The following AFF3 variants were observed in gnomAD, a reference collection of about 807,000 sequenced individuals.
AFF3 encodes AF4/FMR2 family member 3.
AFF3 carries 32 observed loss-of-function variants against 129.7 expected under a neutral mutation model. That is an observed-to-expected ratio of 0.25 (90% CI 0.19 to 0.33). The LOEUF (loss-of-function observed/expected upper bound fraction) is 0.33. AFF3 is among the 10% of genes least tolerant of loss of function. AFF3 has a pLI of 1.00. For missense variants in AFF3, 1,373 were observed against 1,592.0 expected (o/e 0.86, Z 2.34); for synonymous variants, 644 against 635.4 (o/e 1.01, Z -0.20).
At chr2:99,836,653 T>TA (rs1246603651) in intron 8 of AFF3, among the ~76,000 whole-genome samples, 2 of 150,808 alleles carry the variant, frequency 1.3e-5, no homozygotes, top group African/African-American at 4.9e-5. Context: ...CACTAGCAAT[T>TA]AAAAAAAAGT....
Position 99,993,491 on chromosome 2 carries a change from C to T in AFF3, c.873+13141G>A, listed in dbSNP as rs950879154. ...AAGTTTAAAAATAAAATTATATAAC[C>T]ACATGCTGGAACTAATTTTAAAAAT... On this transcript the variant is annotated intron_variant, in intron 7 of 24. Coordinates refer to ENST00000672756, the MANE Select transcript of AFF3 (RefSeq NM_001386135.1). Among the ~76,000 whole-genome samples, 2 of 151,566 alleles carry T rather than the reference C, an allele frequency of 1.3e-5. 1 individual carries two copies. The highest frequency in any genetic ancestry group is 4.2e-4 in the South Asian group (2 of 4,800).
intron 8 of AFF3, among the ~76,000 whole-genome samples, chr2:99,757,782 C>T (rs1682244990): frequency 6.6e-6 from 1 of 152,206 alleles, no homozygotes; most frequent in South Asian, 2.1e-4. Flanking sequence ...CTATTGTTTG[C>T]TGGGTTGTTT....
intron 7 of AFF3, among the ~76,000 whole-genome samples, chr2:99,957,196 C>CGTGTGTGTGTGTGTGT (rs1553488569): frequency 1.4e-5 from 2 of 147,686 alleles, no homozygotes; most frequent in African/African-American, 5.3e-5. Context: ...TGTGTGTGTG[C>CGTGTGTGTGTGTGTGT]GCGCGCGCGC....
At chr2:99,661,355 T>C (rs1366660670) in intron 12 of AFF3, among the ~76,000 whole-genome samples, 2 of 152,252 alleles carry the variant, frequency 1.3e-5, no homozygotes, top group Non-Finnish European at 2.9e-5. Context: ...TACCCACCAT[T>C]AACAAAAACT....
chr2:99,979,952 A>T (rs1440042830), intron 7 of AFF3, among the ~76,000 whole-genome samples: 1 of 152,192 alleles, frequency 6.6e-6, no homozygotes, highest in Non-Finnish European at 1.5e-5. Flanking sequence ...GGCTCTGAGA[A>T]TCTTACTGCC....
At chr2:100,053,336 T>C (rs1686506329) in intron 4 of AFF3, among the ~76,000 whole-genome samples, 1 of 152,216 alleles carries the variant, frequency 6.6e-6, no homozygotes, top group Admixed American at 6.5e-5. Flanking sequence ...TATTCTTGGT[T>C]CCTAAAATGA....
intron 7 of AFF3, among the ~76,000 whole-genome samples, chr2:99,962,571 A>G (rs1325641181): frequency 6.6e-6 from 1 of 152,158 alleles, no homozygotes; most frequent in Non-Finnish European, 1.5e-5. Context: ...AGTTAGAAAA[A>G]TGAACAATAT....
intron 7 of AFF3, among the ~76,000 whole-genome samples, chr2:99,899,232 C>G (rs1382586617): frequency 2.0e-5 from 3 of 152,188 alleles, no homozygotes; most frequent in African/African-American, 7.2e-5. Context: ...GTTCTTCCAA[C>G]TCTCCTAATC....
chr2:99,670,526 T>C (rs1201358680), intron 12 of AFF3, among the ~76,000 whole-genome samples: 1 of 106,858 alleles, frequency 9.4e-6, no homozygotes, highest in East Asian at 2.9e-4. Context: ...AGGGAATGAG[T>C]GTATGTGTCT....
intron 8 of AFF3, among the ~76,000 whole-genome samples, chr2:99,775,265 T>C (rs527398957): frequency 7.9e-5 from 12 of 152,048 alleles, no homozygotes; most frequent in African/African-American, 2.6e-4. Flanking sequence ...AATTGTTCTA[T>C]TGTAGTGCTA....
intron 7 of AFF3, among the ~76,000 whole-genome samples, chr2:99,998,913 A>G (rs1360375849): frequency 6.6e-6 from 1 of 152,200 alleles, no homozygotes; most frequent in Non-Finnish European, 1.5e-5. Flanking sequence ...TTCGTACATT[A>G]AAACCTAGTT....
intron 11 of AFF3, among the ~76,000 whole-genome samples, chr2:99,678,653 T>C (rs1018568706): frequency 6.6e-6 from 1 of 152,234 alleles, no homozygotes; most frequent in Non-Finnish European, 1.5e-5. Flanking sequence ...TTTCTATAGC[T>C]GGTGCTGCTA....
At chr2:99,594,416 A>T in intron 14 of AFF3, 127 bp from the exon 15 acceptor site, 1 of 1,377,824 alleles carries the variant, frequency 7.3e-7, no homozygotes, top group Non-Finnish European at 9.8e-7. Flanking sequence ...GGCTGGAAGC[A>T]AAAGGAAAAT....
intron 13 of AFF3, among the ~76,000 whole-genome samples, chr2:99,641,416 G>A (rs924939741): frequency 6.6e-6 from 1 of 152,138 alleles, no homozygotes; most frequent in African/African-American, 2.4e-5. Context: ...GGTGGCTCAC[G>A]CCTGTAATTT....
chr2:99,719,663 G>A (rs10167458), intron 11 of AFF3, among the ~76,000 whole-genome samples: 2,864 of 152,256 alleles, frequency 0.019, 82 homozygotes, highest in African/African-American at 0.064. Flanking sequence ...CTATGTGGTA[G>A]CATTAATATG....
At chr2:99,573,846 T>A (rs1475922798) in intron 18 of AFF3, among the ~76,000 whole-genome samples, 2 of 152,138 alleles carry the variant, frequency 1.3e-5, no homozygotes, top group Non-Finnish European at 2.9e-5. Flanking sequence ...CCATGTGACA[T>A]ACAGGCAGCA....
At chr2:99,616,202 C>T (rs887465533) in intron 13 of AFF3, among the ~76,000 whole-genome samples, 1 of 152,166 alleles carries the variant, frequency 6.6e-6, no homozygotes, top group African/African-American at 2.4e-5. Flanking sequence ...CACCCATGCA[C>T]TTATTTGTAA....
At chr2:99,598,290 C>T (rs1330085740) in intron 14 of AFF3, among the ~76,000 whole-genome samples, 4 of 152,082 alleles carry the variant, frequency 2.6e-5, no homozygotes, top group Non-Finnish European at 4.4e-5. Flanking sequence ...GAGTGAGTTC[C>T]GTGTGTGGGG....
intron 10 of AFF3, among the ~76,000 whole-genome samples, chr2:99,739,153 A>T (rs1680508417): frequency 6.6e-6 from 1 of 151,920 alleles, no homozygotes; most frequent in Admixed American, 6.6e-5. Flanking sequence ...AGGTGTTCCC[A>T]TCACTGCAAG....
Sources: gnomAD v4.1 joint callset for allele counts (sites outside exome capture counted in the v4.1 genomes callset) on GRCh38, gnomAD v4.1.1 for gene constraint, MANE v1.5 for transcripts, NCBI Gene and HGNC (gene_info 2026-07-23, HGNC 2026-07-21) for gene names.